NELL2: variants seen among roughly 807,000 people sequenced by gnomAD.
NELL2 encodes neural EGFL like 2.
Under a neutral mutation model 109.6 loss-of-function variants are expected in NELL2, and 41 were observed. That is an observed-to-expected ratio of 0.37 (90% confidence interval 0.29 to 0.49). The LOEUF is 0.49. Ranked by LOEUF, NELL2 falls within the 20% of genes least tolerant of loss-of-function variation. NELL2 has a pLI of 0.98. For synonymous variants in NELL2, 355 were observed against 344.7 expected, an observed-to-expected ratio of 1.03 and a Z score of -0.33; for missense variants, 900 against 1,008.3, an observed-to-expected ratio of 0.89 and a Z score of 1.45.
At chr12:44,623,762 G>A (rs1946140577) in intron 13 of NELL2, among the ~76,000 whole-genome samples, 1 of 152,070 alleles carries the variant, frequency 6.6e-6, no homozygotes, top group South Asian at 2.1e-4. Context: ...CTTGGCCTCT[G>A]GGATTCCAAT....
At chr12:44,559,450 C>A (rs1012399955) in intron 15 of NELL2, among the ~76,000 whole-genome samples, 1 of 152,180 alleles carries the variant, frequency 6.6e-6, no homozygotes. Flanking sequence ...CGTGCAAAGA[C>A]ACCCATAGCC....
intron 13 of NELL2, among the ~76,000 whole-genome samples, chr12:44,641,200 C>T (rs570180633): frequency 2.0e-5 from 3 of 152,216 alleles, no homozygotes; most frequent in African/African-American, 7.2e-5. Context: ...AAAATCTGTA[C>T]GTACATAATA....
intron 15 of NELL2, among the ~76,000 whole-genome samples, chr12:44,589,061 G>A (rs1158066214): frequency 6.6e-6 from 1 of 152,140 alleles, no homozygotes; most frequent in Non-Finnish European, 1.5e-5. Flanking sequence ...TTTCACAGAG[G>A]TAGAAATAGA....
chr12:44,711,366 G>A lies in NELL2; in HGVS notation c.1115C>T (p.Ser372Leu), dbSNP rs754660490. Residue 372 changes from serine to leucine, a missense_variant, in exon 11 of 20, where the codon TCA (serine) becomes TTA (leucine). Ser to Leu is a moderately radical substitution (Grantham distance 145). Transcript: ENST00000429094. ...TGGACAATCCAAAGCTGGACAGCCT[G>A]AACTCTCAACAAGTTTCATGGTCTG... is the stretch of plus-strand genomic sequence containing the variant. ...KDQTMKLVES[S>L]GCPALDCPES... The A allele has an allele frequency of 1.5e-5, 24 of 1,612,376 alleles. No individual in the cohort carries two copies. The Admixed American group carries it at 3.2e-4, about 21-fold the overall frequency.
At chr12:44,721,373 C>T (rs1185771460) in intron 9 of NELL2, among the ~76,000 whole-genome samples, 4 of 152,110 alleles carry the variant, frequency 2.6e-5, no homozygotes, top group African/African-American at 9.7e-5. Context: ...GAGGAAAATA[C>T]AGTATTTGTG....
chr12:44,622,120 C>T lies in NELL2; in HGVS notation c.1445-11150G>A, dbSNP rs544094765. 5.1e-4 allele frequency among the ~76,000 whole-genome samples: 78 copies of T among 152,184 alleles called. 1 individual carries two copies. The highest frequency in any genetic ancestry group is 7.9e-4 in the Admixed American group (12 of 15,270). The stretch of plus-strand genomic sequence containing the variant: ...TGGATGAATCAATGATGGTTAGGCT[C>T]CAACAGATACAAAATCAACATTTTT... On this transcript the variant is annotated intron_variant, in intron 13 of 19. Transcript: ENST00000429094.
chr12:44,774,799 T>A lies in NELL2; in HGVS notation c.942A>T (p.Pro314=). ...CCACATACGCAAGAGCCGACTTAAGTGGGCAGTCAGGATTTGGGCAGATTA... is the reference window on the plus strand; with the variant it reads ...CCACATACGCAAGAGCCGACTTAAGAGGGCAGTCAGGATTTGGGCAGATTA... ...ETLICPNPDC[P]LKSALAYVDG... Residue 314 remains proline, a synonymous_variant, in exon 9 of 20, where the codon CCA becomes CCT. Transcript: ENST00000429094. The A allele has an allele frequency of 6.2e-7, 1 of 1,614,178 alleles. No homozygotes were observed. Among genetic ancestry groups the A allele is most frequent in the Non-Finnish European group, 8.5e-7 (1 of 1,180,016 alleles).
intron 12 of NELL2, 88 bp downstream of exon 12, chr12:44,703,638 A>C: frequency 7.1e-7 from 1 of 1,412,300 alleles, no homozygotes; most frequent in South Asian, 1.2e-5. Context: ...GGGCCCATCA[A>C]CTTGACAACC....
chr12:44,653,011 C>T (rs1009262245), intron 13 of NELL2, among the ~76,000 whole-genome samples: 1 of 152,166 alleles, frequency 6.6e-6, no homozygotes, highest in Non-Finnish European at 1.5e-5. Flanking sequence ...CTGGATAACC[C>T]AGGATAAGCT....
chr12:44,732,483 T>G (rs1266678757), intron 9 of NELL2, among the ~76,000 whole-genome samples: 1 of 151,908 alleles, frequency 6.6e-6, no homozygotes, highest in African/African-American at 2.4e-5. Context: ...ACAAGCTGTG[T>G]TGGGAAAACA....
chr12:44,880,351 T>C (rs1038268458), upstream of NELL2, among the ~76,000 whole-genome samples: 7 of 151,938 alleles, frequency 4.6e-5, no homozygotes, highest in African/African-American at 1.7e-4. Context: ...TAAAAGTATG[T>C]TTAAAAACAA....
At chr12:44,793,733 T>C (rs993870763) in intron 3 of NELL2, among the ~76,000 whole-genome samples, 12 of 152,184 alleles carry the variant, frequency 7.9e-5, no homozygotes, top group Non-Finnish European at 1.2e-4. Context: ...ATAAAAGACG[T>C]GTACCTGACA....
chr12:44,635,682 A>C (rs1037448268), intron 13 of NELL2, among the ~76,000 whole-genome samples: 2 of 152,066 alleles, frequency 1.3e-5, no homozygotes, highest in Non-Finnish European at 2.9e-5. Context: ...TTTTGGTTAC[A>C]GTAGACTTGT....
At chr12:44,559,546 C>A (rs1005871816) in intron 15 of NELL2, among the ~76,000 whole-genome samples, 8 of 151,932 alleles carry the variant, frequency 5.3e-5, no homozygotes, top group Non-Finnish European at 1.0e-4. Flanking sequence ...CTGATAAAAC[C>A]GACTTTAAAC....
intron 2 of NELL2, among the ~76,000 whole-genome samples, chr12:44,833,519 C>T (rs10785536): frequency 0.84 from 127,527 of 152,156 alleles, 53,681 homozygotes; most frequent in Middle Eastern, 0.95. Flanking sequence ...AAACTGTGTA[C>T]TATACCTCTC....
At chr12:44,659,004 T>C (rs1947628028) in intron 13 of NELL2, among the ~76,000 whole-genome samples, 3 of 150,470 alleles carry the variant, frequency 2.0e-5, no homozygotes, top group East Asian at 1.9e-4. Context: ...AAAACAGATA[T>C]ATAGACCAAT....
At chr12:44,704,467 T>A (rs1937743113) in intron 11 of NELL2, among the ~76,000 whole-genome samples, 2 of 152,068 alleles carry the variant, frequency 1.3e-5, no homozygotes, top group Admixed American at 6.6e-5. Context: ...GATCTCAGAG[T>A]CTTTATAAGA....
intron 15 of NELL2, among the ~76,000 whole-genome samples, chr12:44,566,434 T>A (rs892911448): frequency 6.6e-6 from 1 of 151,984 alleles, no homozygotes; most frequent in Non-Finnish European, 1.5e-5. Flanking sequence ...GTTAATATTA[T>A]CAGGAATGGA....
rs535496906 is a variant in NELL2 at position 44,590,008 on chromosome 12, C to A, written c.1663+17161G>T. On this transcript the variant is annotated intron_variant, in intron 15 of 19. Transcript: ENST00000429094. ...TTCCCTGAGTCACACTGATACCTAC[C>A]CAACTCCTAACTTACAGTTTATTTT... Among the ~76,000 whole-genome samples, 3 of 152,232 alleles carry A rather than the reference C, an allele frequency of 2.0e-5. No individual in the cohort carries two copies. In the East Asian group the frequency reaches 5.8e-4, roughly 29 times the overall value.
Sources: allele counts gnomAD v4.1 joint callset (sites outside exome capture counted in the v4.1 genomes callset), GRCh38; gene constraint gnomAD v4.1.1; transcripts MANE v1.5; gene names NCBI Gene and HGNC (gene_info 2026-07-23, HGNC 2026-07-21).